Variants in MTFR2 observed in about 807,000 individuals in gnomAD.
MTFR2 encodes the protein mitochondrial fission regulator 2, also known as DUF729 domain-containing protein 1.
In MTFR2, 44 loss-of-function variants were observed where a neutral mutation model predicts 41.2. The ratio of observed to expected loss-of-function variants is 1.07; its 90% confidence interval spans 0.84 to 1.37. The LOEUF is 1.37. MTFR2 is among the 40% of genes most tolerant of loss of function. The pLI, the probability that MTFR2 is intolerant of heterozygous loss-of-function variation, is 0.00. For synonymous variants in MTFR2, 141 were observed against 154.6 expected (o/e 0.91, Z 0.65); for missense variants, 452 against 459.5 (o/e 0.98, Z 0.15).
At position 136,249,043 on chromosome 6, in the gene MTFR2, T is replaced by C. The variant is rs774854332; in HGVS notation, c.57A>G (p.Val19=). Reference sequence around the variant, plus strand: ...AATCCAAAACGACATTTACCTGTTCTACAGGAACGCCAAAATATTCCAGCA... The same window carrying C: ...AATCCAAAACGACATTTACCTGTTCCACAGGAACGCCAAAATATTCCAGCA... ...REMLEYFGVP[V]EQVLLIWENK... is the part of the protein sequence containing the mutation. Residue 19 remains valine, a synonymous_variant, in exon 2 of 8, where the codon GTA becomes GTG. Transcript: ENST00000420702. 1 of 1,600,010 alleles carries C rather than the reference T, an allele frequency of 6.2e-7. No individual in the cohort carries two copies. Among genetic ancestry groups the C allele is most frequent in the South Asian group, 1.1e-5 (1 of 87,924 alleles).
At chr6:136,249,301 G>A in intron 1 of MTFR2, 148 bp from the exon 2 acceptor site, 4 of 506,192 alleles carry the variant, frequency 7.9e-6, no homozygotes, top group Non-Finnish European at 1.0e-5. Flanking sequence ...AGAAAGGAAG[G>A]GGAAGTCTGG....
At chr6:136,240,378 T>C (rs1380874333) in intron 5 of MTFR2, among the ~76,000 whole-genome samples, 2 of 151,574 alleles carry the variant, frequency 1.3e-5, no homozygotes, top group Non-Finnish European at 2.9e-5. Context: ...AGTTATTGTA[T>C]ATTATATAAT....
intron 6 of MTFR2, among the ~76,000 whole-genome samples, chr6:136,235,109 C>T (rs1327036826): frequency 3.3e-5 from 5 of 152,094 alleles, no homozygotes; most frequent in African/African-American, 4.8e-5. Context: ...AGGCTGGTCT[C>T]GAACTCCTGA....
At chr6:136,245,752 C>T (rs775081712) in intron 2 of MTFR2, among the ~76,000 whole-genome samples, 38 of 152,186 alleles carry the variant, frequency 2.5e-4, no homozygotes, top group Non-Finnish European at 4.3e-4. Flanking sequence ...TGGTGTCATG[C>T]TGGCACTCAA....
At chr6:136,241,209 G>T (rs955206130) in intron 5 of MTFR2, among the ~76,000 whole-genome samples, 2 of 151,790 alleles carry the variant, frequency 1.3e-5, no homozygotes, top group Non-Finnish European at 2.9e-5. Flanking sequence ...CACTACAAAT[G>T]TGTCTTAATT....
At chr6:136,246,463 T>C (rs936935283) in intron 2 of MTFR2, among the ~76,000 whole-genome samples, 2 of 152,008 alleles carry the variant, frequency 1.3e-5, no homozygotes, top group Non-Finnish European at 2.9e-5. Flanking sequence ...TTATATTTTT[T>C]ATAGAGACGA....
intron 6 of MTFR2, among the ~76,000 whole-genome samples, chr6:136,236,024 C>A (rs1380610331): frequency 6.6e-6 from 1 of 152,216 alleles, no homozygotes; most frequent in Non-Finnish European, 1.5e-5. Flanking sequence ...GCTAAGAGAC[C>A]AGTGGATTTA....
At chr6:136,239,282 GT>G (rs756588535) in intron 6 of MTFR2, among the ~76,000 whole-genome samples, 183 bp downstream of exon 6, 28 of 152,036 alleles carry the variant, frequency 1.8e-4, no homozygotes, top group Non-Finnish European at 3.1e-4. Flanking sequence ...CAAAAATATG[GT>G]GATAAGAGAC....
At position 136,239,782 on chromosome 6, in the gene MTFR2, G is replaced by C; in HGVS notation, c.553C>G (p.Gln185Glu). The C allele has an allele frequency of 3.1e-6, 5 of 1,613,394 alleles. No homozygotes were observed. Among genetic ancestry groups the C allele is most frequent in the Non-Finnish European group, 4.2e-6 (5 of 1,179,542 alleles). ...TGGGCAGCCCGCGATGATGACAGCT[G>C]ACCCAAACTAATGCGCTCGTCACTC... is the stretch of plus-strand genomic sequence containing the variant. ...GLSDERISLG[Q>E]LSSSRAAHLS... The change falls in exon 6 of 8, where the codon CAG (glutamine) becomes GAG (glutamate). Residue 185 changes from glutamine to glutamate, a missense_variant. By Grantham distance (29) the Gln-to-Glu change is conservative. Transcript: ENST00000420702.
chr6:136,244,967 G>A (rs981410123), intron 2 of MTFR2, 98 bp from the exon 3 acceptor site: 10 of 854,088 alleles, frequency 1.2e-5, no homozygotes, highest in African/African-American at 3.7e-5. Flanking sequence ...AAAAGACGCA[G>A]TGGCATTTTT....
In MTFR2 at chr6:136,241,348, A is replaced by G. The variant is rs1012591877; in HGVS notation, c.514+96T>C. 1.3e-4 allele frequency: 114 copies of G among 902,004 alleles called. No homozygotes were observed. In the African/African-American group the frequency reaches 1.6e-3, roughly 13 times the overall value. 55.9% of individuals were successfully genotyped at this position (902,004 alleles called of 1,614,324 possible). A position where few individuals can be genotyped will look rare whatever the true frequency, so the allele number is the denominator to read the frequency against. On this transcript the variant is annotated intron_variant, in intron 5 of 7. Transcript: ENST00000420702. The stretch of plus-strand genomic sequence containing the variant: ...ACTAGATGTTCCTGTATGCTACTAT[A>G]CGTACTATATTCAGTACAGTATCAT...
intron 6 of MTFR2, among the ~76,000 whole-genome samples, chr6:136,238,621 T>C (rs1422533796): frequency 6.6e-6 from 1 of 152,040 alleles, no homozygotes; most frequent in Non-Finnish European, 1.5e-5. Context: ...TGCTTAACGA[T>C]ACTGTATTAT....
intron 2 of MTFR2, among the ~76,000 whole-genome samples, chr6:136,245,393 C>A (rs1452086914): frequency 6.6e-6 from 1 of 152,150 alleles, no homozygotes; most frequent in Admixed American, 6.5e-5. Context: ...TATCTGCTGG[C>A]AGTCAGCTCT....
At chr6:136,234,296 C>T (rs1407941775) in intron 6 of MTFR2, among the ~76,000 whole-genome samples, 1 of 145,828 alleles carries the variant, frequency 6.9e-6, no homozygotes. Context: ...CAGAGCAACA[C>T]CCTGTCTCAA....
chr6:136,240,858 A>G (rs56907977), intron 5 of MTFR2, among the ~76,000 whole-genome samples: 9,580 of 152,172 alleles, frequency 0.063, 337 homozygotes, highest in African/African-American at 0.085. Flanking sequence ...TTGGGAGGCC[A>G]AGGCGGGCAG....
rs2128456246 is a variant in MTFR2, at chr6:136,231,085, A to T, written c.*190T>A. The T allele has an allele frequency of 1.9e-6, 1 of 523,816 alleles. No individual in the cohort carries two copies. Among genetic ancestry groups the T allele is most frequent in the Non-Finnish European group, 3.4e-6 (1 of 295,608 alleles). The allele number at this position is 523,816 out of a possible 1,614,324, so 32.4% of individuals were successfully genotyped here. A position where few individuals can be genotyped will look rare whatever the true frequency, so the allele number is the denominator to read the frequency against. On this transcript the variant is annotated 3_prime_UTR_variant, in exon 8 of 8. Transcript: ENST00000420702. ...CTATGTACAGAAGAACAGAGTATAA[A>T]CGTAAAAAGGAACAAAGGAAACAAA... is the stretch of plus-strand genomic sequence containing the variant.
At chr6:136,236,319 G>A (rs1273534148) in intron 6 of MTFR2, among the ~76,000 whole-genome samples, 1 of 152,126 alleles carries the variant, frequency 6.6e-6, no homozygotes, top group Non-Finnish European at 1.5e-5. Flanking sequence ...ACCAAAGGAA[G>A]AGCCTGGCCA....
In MTFR2 at chr6:136,241,629, G is replaced by A. The variant is rs1298138239; in HGVS notation, c.329C>T (p.Pro110Leu). Residue 110 changes from proline to leucine, a missense_variant, in exon 5 of 8, where the codon CCT (proline) becomes CTT (leucine). Pro to Leu is a moderately conservative substitution (Grantham distance 98, BLOSUM62 -3). Coordinates refer to ENST00000420702, the MANE Select transcript of MTFR2 (RefSeq NM_001099286.3). Reference sequence around the variant, plus strand: ...CAGTGGATCCCGAACTAGTCGCAAAGGATGAAAAATTTCCACTTTCTCTTC... The same window carrying A: ...CAGTGGATCCCGAACTAGTCGCAAAAGATGAAAAATTTCCACTTTCTCTTC... ...NEEEKVEIFH[P>L]LRLVRDPLSP... The A allele has an allele frequency of 6.2e-7, 1 of 1,613,072 alleles. No homozygotes were observed. Among genetic ancestry groups the A allele is most frequent in the African/African-American group, 1.3e-5 (1 of 74,876 alleles).
chr6:136,235,213 G>C (rs900430050), intron 6 of MTFR2, among the ~76,000 whole-genome samples: 2 of 137,438 alleles, frequency 1.5e-5, no homozygotes, highest in Non-Finnish European at 2.9e-5. Flanking sequence ...TTAAGCAACC[G>C]GGTGATCGTG....
Sources: gnomAD v4.1 joint callset for allele counts (sites outside exome capture counted in the v4.1 genomes callset) on GRCh38, gnomAD v4.1.1 for gene constraint, MANE v1.5 for transcripts, NCBI Gene and HGNC (gene_info 2026-07-23, HGNC 2026-07-21) for gene names.